The following PLPP4 variants were observed in gnomAD, a reference collection of about 807,000 sequenced individuals.
PLPP4 encodes the protein phospholipid phosphatase 4.
Under a neutral mutation model 32.2 loss-of-function variants are expected in PLPP4, and 20 were observed. That is an observed-to-expected ratio of 0.62 (90% CI 0.44 to 0.90). The LOEUF is 0.90. Ranked by LOEUF, PLPP4 falls within the 40% of genes least tolerant of loss-of-function variation. The pLI, the probability that PLPP4 is intolerant of heterozygous loss-of-function variation, is 0.00. For missense variants in PLPP4, 257 were observed against 353.1 expected, an observed-to-expected ratio of 0.73 and a Z score of 2.18; for synonymous variants, 127 against 133.0, an observed-to-expected ratio of 0.95 and a Z score of 0.31.
At chr10:120,540,788 A>C (rs1847302802) in intron 5 of PLPP4, among the ~76,000 whole-genome samples, 1 of 152,228 alleles carries the variant, frequency 6.6e-6, no homozygotes, top group South Asian at 2.1e-4. Flanking sequence ...TCTAGCATAG[A>C]GAAATCTGGG....
At chr10:120,571,133 G>GT (rs1564847493) in intron 5 of PLPP4, among the ~76,000 whole-genome samples, 15 of 112,018 alleles carry the variant, frequency 1.3e-4, no homozygotes, top group African/African-American at 4.7e-4. Context: ...TGTGTGTGTG[G>GT]TCTGTGTGTC....
chr10:120,508,076 A>C (rs1845579241), intron 2 of PLPP4, among the ~76,000 whole-genome samples: 2 of 152,292 alleles, frequency 1.3e-5, no homozygotes, highest in Admixed American at 6.5e-5. Flanking sequence ...TGTCCAGAAG[A>C]TACATTCTCA....
chr10:120,457,303 AC>A lies in PLPP4; in HGVS notation c.-1del, dbSNP rs775188017. Reference sequence around the variant, plus strand: ...ACGCCGCGGGAGCTGCTCCGGCCGCACCATGCGGGAGCTGGCCATTGAGATC... The same window carrying A: ...ACGCCGCGGGAGCTGCTCCGGCCGCACATGCGGGAGCTGGCCATTGAGATC... On this transcript the variant is annotated 5_prime_UTR_variant, in exon 1 of 7. Transcript: ENST00000398250. The A allele has an allele frequency of 6.6e-7, 1 of 1,519,668 alleles. No homozygotes were observed. Among genetic ancestry groups the A allele is most frequent in the Non-Finnish European group, 8.8e-7 (1 of 1,132,096 alleles). 94.1% of individuals were successfully genotyped at this position (1,519,668 alleles called of 1,614,324 possible). A position where few individuals can be genotyped will look rare whatever the true frequency, so the allele number is the denominator to read the frequency against.
Position 120,591,397 on chromosome 10 carries a change from A to T in PLPP4, c.*1895A>T, listed in dbSNP as rs1849990745. 6.6e-6 allele frequency among the ~76,000 whole-genome samples: 1 copy of T among 152,190 alleles called. No individual in the cohort carries two copies. Among genetic ancestry groups the T allele is most frequent in the African/African-American group, 2.4e-5 (1 of 41,438 alleles). On this transcript the variant is annotated 3_prime_UTR_variant, in exon 7 of 7. Coordinates refer to ENST00000398250, the MANE Select transcript of PLPP4 (RefSeq NM_001030059.3). ...TCCAAAGTCAAGCCATTGATTTTTT[A>T]AAAATTATAGCAGTTACATTGGCAA...
chr10:120,581,286 C>T (rs899197399), intron 6 of PLPP4: 2 of 985,250 alleles, frequency 2.0e-6, no homozygotes, highest in African/African-American at 3.5e-5. Flanking sequence ...TCTGTGGTTC[C>T]TCCTGCTCAG....
At position 120,575,267 on chromosome 10, in the gene PLPP4, G is replaced by A. The variant is rs61730851; in HGVS notation, c.582G>A (p.Leu194=). 1 of 1,613,968 alleles carries A rather than the reference G, an allele frequency of 6.2e-7. No homozygotes were observed. The highest frequency in any genetic ancestry group is 1.3e-5 in the African/African-American group (1 of 74,916). Reference sequence around the variant, plus strand: ...TGTACTGCGCCATGATGATTGCCCTGTCCCGCATGTGCGACTACAAGCATC... The same window carrying A: ...TGTACTGCGCCATGATGATTGCCCTATCCCGCATGTGCGACTACAAGCATC... ...LPLYCAMMIA[L]SRMCDYKHHW... The change falls in exon 6 of 7, where the codon CTG becomes CTA. Residue 194 remains leucine (L), a synonymous_variant. Coordinates refer to ENST00000398250, the MANE Select transcript of PLPP4 (RefSeq NM_001030059.3).
At chr10:120,571,060 A>G (rs1589904322) in intron 5 of PLPP4, among the ~76,000 whole-genome samples, 1 of 148,626 alleles carries the variant, frequency 6.7e-6, no homozygotes, top group East Asian at 2.0e-4. Flanking sequence ...ACAGGTCACT[A>G]TGCTTACTTC....
At chr10:120,517,295 G>T (rs761956300) in intron 3 of PLPP4, among the ~76,000 whole-genome samples, 10 of 152,170 alleles carry the variant, frequency 6.6e-5, no homozygotes, top group African/African-American at 9.7e-5. Flanking sequence ...TAATTTTGCG[G>T]CAATCTCACA....
At chr10:120,472,461 T>C (rs1473497494) in intron 1 of PLPP4, among the ~76,000 whole-genome samples, 1 of 152,156 alleles carries the variant, frequency 6.6e-6, no homozygotes, top group Non-Finnish European at 1.5e-5. Flanking sequence ...TCTACTGTTA[T>C]TGTTGCTTTT....
chr10:120,552,588 T>C (rs973954567), intron 5 of PLPP4, among the ~76,000 whole-genome samples: 2 of 152,250 alleles, frequency 1.3e-5, no homozygotes, highest in Non-Finnish European at 2.9e-5. Flanking sequence ...GCACATACTT[T>C]TGTGCTCATT....
intron 5 of PLPP4, among the ~76,000 whole-genome samples, chr10:120,559,252 G>A (rs1232594558): frequency 2.7e-5 from 4 of 149,804 alleles, no homozygotes; most frequent in Non-Finnish European, 5.9e-5. Flanking sequence ...TTAGTTCTTT[G>A]TTGGTCATAC....
At chr10:120,503,981 TG>T in intron 2 of PLPP4, 55 bp downstream of exon 2, 1 of 1,238,376 alleles carries the variant, frequency 8.1e-7, no homozygotes, top group Non-Finnish European at 1.2e-6. Flanking sequence ...ATGAACCAAA[TG>T]GGTTTTCATC....
chr10:120,509,052 C>T (rs912534095), intron 2 of PLPP4, among the ~76,000 whole-genome samples: 1 of 152,174 alleles, frequency 6.6e-6, no homozygotes, highest in Non-Finnish European at 1.5e-5. Flanking sequence ...GGAAGATCAC[C>T]TCCCCTCTTA....
At position 120,589,515 on chromosome 10, in the gene PLPP4, G is replaced by A; in HGVS notation, c.*13G>A. ...AGGCCCGGTATGACCAGTGTCCTGG[G>A]AGGATGGACACTAAGCCCTGGGCAC... is the stretch of plus-strand genomic sequence containing the variant. On this transcript the variant is annotated 3_prime_UTR_variant, in exon 7 of 7. Coordinates refer to ENST00000398250, the MANE Select transcript of PLPP4 (RefSeq NM_001030059.3). 2 of 1,607,976 alleles carry A rather than the reference G, an allele frequency of 1.2e-6. No individual in the cohort carries two copies. The highest frequency in any genetic ancestry group is 1.1e-5 in the South Asian group (1 of 90,806).
At chr10:120,582,227 G>T (rs1474469702) in intron 6 of PLPP4, among the ~76,000 whole-genome samples, 1 of 152,234 alleles carries the variant, frequency 6.6e-6, no homozygotes, top group East Asian at 1.9e-4. Context: ...TGAAATCAAA[G>T]TGTTGGCAAA....
intron 6 of PLPP4, chr10:120,580,870 T>C (rs1371185045): frequency 3.1e-6 from 4 of 1,288,852 alleles, no homozygotes; most frequent in Admixed American, 2.3e-5. Context: ...CCCAAGTGAA[T>C]TGATGTCACC....
intron 5 of PLPP4, among the ~76,000 whole-genome samples, chr10:120,572,589 C>G (rs1232916290): frequency 1.3e-5 from 2 of 151,970 alleles, no homozygotes; most frequent in African/African-American, 4.8e-5. Flanking sequence ...ATACAAAGCC[C>G]CAGGGCAGTT....
At chr10:120,561,980 C>G (rs1226654494) in intron 5 of PLPP4, among the ~76,000 whole-genome samples, 2 of 152,142 alleles carry the variant, frequency 1.3e-5, no homozygotes, top group Non-Finnish European at 2.9e-5. Context: ...CCCATTTTGT[C>G]AAGTTCCATG....
chr10:120,546,941 G>A (rs1019568416), intron 5 of PLPP4, among the ~76,000 whole-genome samples: 53 of 152,156 alleles, frequency 3.5e-4, no homozygotes, highest in African/African-American at 1.3e-3. Context: ...TTCAGCACTG[G>A]ATAATTTGTT....
Sources: allele counts gnomAD v4.1 joint callset (sites outside exome capture counted in the v4.1 genomes callset), GRCh38; gene constraint gnomAD v4.1.1; transcripts MANE v1.5; gene names NCBI Gene and HGNC (gene_info 2026-07-23, HGNC 2026-07-21).